YAP1: variants seen among roughly 807,000 people sequenced by gnomAD.
YAP1 encodes the protein Yes1 associated transcriptional regulator.
In YAP1, 5 loss-of-function variants were observed where a neutral mutation model predicts 56.9. The observed-to-expected ratio is 0.09, with a 90% CI of 0.05 to 0.18. YAP1 has a LOEUF of 0.18. Ranked by LOEUF, YAP1 falls within the 10% of genes least tolerant of loss-of-function variation. The pLI is 1.00. For missense variants in YAP1, 539 were observed against 651.8 expected, an observed-to-expected ratio of 0.83 and a Z score of 1.88; for synonymous variants, 265 against 248.1, an observed-to-expected ratio of 1.07 and a Z score of -0.64.
chr11:102,154,188 A>G (rs577786419), intron 2 of YAP1, among the ~76,000 whole-genome samples: 46 of 152,308 alleles, frequency 3.0e-4, no homozygotes, highest in Admixed American at 2.8e-3. Flanking sequence ...TCACATTTCA[A>G]TTGCAACTTA....
chr11:102,205,956 G>T lies in YAP1; in HGVS notation c.866G>T (p.Ser289Ile), dbSNP rs1246828764. ...CAGCCACCACCCCTGGCTCCCCAGA[G>T]CCCACAGGGAGGCGTCATGGGTGGC... ...VKQPPPLAPQSPQGGVMGGSN... is the reference protein window; with the variant it reads ...VKQPPPLAPQIPQGGVMGGSN... Residue 289 changes from serine (S) to isoleucine (I), a missense_variant, in exon 5 of 9, where the codon AGC becomes ATC. Transcript: ENST00000282441. 1 of 1,613,056 alleles carries T rather than the reference G, an allele frequency of 6.2e-7. No homozygotes were observed. Among genetic ancestry groups the T allele is most frequent in the South Asian group, 1.1e-5 (1 of 90,954 alleles).
chr11:102,211,893 C>T (rs978327253), intron 6 of YAP1, among the ~76,000 whole-genome samples: 11 of 152,012 alleles, frequency 7.2e-5, no homozygotes, highest in Admixed American at 2.6e-4. Context: ...TTAGTAGAGA[C>T]GGGGTTTCAC....
intron 2 of YAP1, among the ~76,000 whole-genome samples, chr11:102,159,525 T>C (rs893449720): frequency 6.6e-6 from 1 of 152,240 alleles, no homozygotes; most frequent in African/African-American, 2.4e-5. Flanking sequence ...AACTGAACTC[T>C]TATCTCATTT....
intron 6 of YAP1, among the ~76,000 whole-genome samples, chr11:102,222,802 G>T (rs1949996298): frequency 6.6e-6 from 1 of 151,266 alleles, no homozygotes; most frequent in South Asian, 2.1e-4. Flanking sequence ...GTGAAATAGT[G>T]TTGGGGGTTG....
rs1297605589 is a variant in YAP1, at chr11:102,212,255, T to C, written c.1032+2691T>C. Among the ~76,000 whole-genome samples, 4 of 152,316 alleles carry C rather than the reference T, an allele frequency of 2.6e-5. No individual in the cohort carries two copies. In the East Asian group the frequency reaches 7.7e-4, roughly 29 times the overall value. Reference sequence around the variant, plus strand: ...ATCGTATACCTCATATGCTGTGGGATGTGGAAAGCCACTAAACTTCAAAAT... The same window carrying C: ...ATCGTATACCTCATATGCTGTGGGACGTGGAAAGCCACTAAACTTCAAAAT... On this transcript the variant is annotated intron_variant, in intron 6 of 8. Transcript: ENST00000282441.
At chr11:102,164,224 G>A (rs765476588) in intron 3 of YAP1, among the ~76,000 whole-genome samples, 24 of 152,046 alleles carry the variant, frequency 1.6e-4, no homozygotes, top group Non-Finnish European at 2.4e-4. Flanking sequence ...TAGTAGAGAC[G>A]GGGTTTCACT....
intron 2 of YAP1, among the ~76,000 whole-genome samples, chr11:102,135,083 G>C (rs563744944): frequency 6.6e-6 from 1 of 152,248 alleles, no homozygotes; most frequent in South Asian, 2.1e-4. Flanking sequence ...TGGCCAGGCT[G>C]GTCTTGAACT....
chr11:102,206,232 G>T (rs879906957), intron 5 of YAP1, 158 bp downstream of exon 5: 2 of 852,744 alleles, frequency 2.3e-6, no homozygotes, highest in Non-Finnish European at 1.7e-6. Context: ...CCTTGTCTTA[G>T]TTTTGTGACT....
At chr11:102,119,952 T>C (rs1184406416) in intron 2 of YAP1, among the ~76,000 whole-genome samples, 1 of 152,232 alleles carries the variant, frequency 6.6e-6, no homozygotes, top group Non-Finnish European at 1.5e-5. Context: ...AATTTAGCCA[T>C]TAATTGTGGC....
In YAP1 at chr11:102,231,099, G is replaced by A. The variant is rs1259307649; in HGVS notation, c.*1159G>A. Reference sequence around the variant, plus strand: ...AGCTATTACTGTGGATAGTGCCTAGGGGAGTGCTCCACGCCCTCTGGGCAT... The same window carrying A: ...AGCTATTACTGTGGATAGTGCCTAGAGGAGTGCTCCACGCCCTCTGGGCAT... On this transcript the variant is annotated 3_prime_UTR_variant, in exon 9 of 9. Transcript: ENST00000282441. 1.3e-5 allele frequency: 2 copies of A among 152,220 alleles called. No individual in the cohort carries two copies. Among genetic ancestry groups the A allele is most frequent in the African/African-American group, 4.8e-5 (2 of 41,446 alleles). The allele number at this position is 152,220 out of a possible 1,614,324, so 9.4% of individuals were successfully genotyped here.
chr11:102,209,435 TG>T, intron 5 of YAP1, 81 bp from the exon 6 acceptor site: 2 of 1,265,862 alleles, frequency 1.6e-6, no homozygotes, highest in Non-Finnish European at 2.3e-6. Flanking sequence ...GTGATATGTC[TG>T]GATACAATTT....
chr11:102,115,071 T>C (rs917736715), intron 2 of YAP1, among the ~76,000 whole-genome samples: 3 of 152,242 alleles, frequency 2.0e-5, no homozygotes, highest in Admixed American at 2.0e-4. Context: ...GTTGTTTATT[T>C]ATTTTTATTT....
chr11:102,203,117 G>A (rs1948958219), intron 4 of YAP1, among the ~76,000 whole-genome samples: 1 of 152,164 alleles, frequency 6.6e-6, no homozygotes, highest in African/African-American at 2.4e-5. Context: ...AAAGTCACTG[G>A]GAGGGCTTGT....
At chr11:102,144,270 A>C (rs1374149976) in intron 2 of YAP1, among the ~76,000 whole-genome samples, 2 of 152,242 alleles carry the variant, frequency 1.3e-5, no homozygotes, top group Non-Finnish European at 2.9e-5. Context: ...GTACAGAATT[A>C]GTTCAGGTTA....
chr11:102,173,842 A>T (rs1947067356), intron 3 of YAP1, among the ~76,000 whole-genome samples: 1 of 152,376 alleles, frequency 6.6e-6, no homozygotes, highest in South Asian at 2.1e-4. Flanking sequence ...TTTTTAATCA[A>T]GTAAGCCACT....
chr11:102,207,651 T>C (rs1248204409), intron 5 of YAP1, among the ~76,000 whole-genome samples: 1 of 152,168 alleles, frequency 6.6e-6, no homozygotes, highest in African/African-American at 2.4e-5. Context: ...AGTGAAAATA[T>C]GTGAACTCAG....
chr11:102,205,301 G>A (rs768500043), intron 4 of YAP1, among the ~76,000 whole-genome samples: 28 of 152,144 alleles, frequency 1.8e-4, no homozygotes, highest in Admixed American at 7.9e-4. Context: ...ATTGGGATGT[G>A]TATGTGGATA....
At chr11:102,151,867 C>T (rs1466309072) in intron 2 of YAP1, among the ~76,000 whole-genome samples, 1 of 152,038 alleles carries the variant, frequency 6.6e-6, no homozygotes, top group Non-Finnish European at 1.5e-5. Context: ...GTTGAGTGAC[C>T]ATTATGAGTT....
chr11:102,168,153 A>G (rs536292903), intron 3 of YAP1, among the ~76,000 whole-genome samples: 1 of 152,286 alleles, frequency 6.6e-6, no homozygotes, highest in East Asian at 1.9e-4. Flanking sequence ...ACATTTCATG[A>G]TTTTTGTGTT....
Sources: allele counts gnomAD v4.1 joint callset (sites outside exome capture counted in the v4.1 genomes callset), GRCh38; gene constraint gnomAD v4.1.1; transcripts MANE v1.5; gene names NCBI Gene and HGNC (gene_info 2026-07-23, HGNC 2026-07-21).